Variants in UTP20 observed in about 807,000 individuals in gnomAD.
UTP20 encodes the protein UTP20 small subunit processome component.
Under a neutral mutation model 329.5 loss-of-function variants are expected in UTP20, and 164 were observed. The ratio of observed to expected loss-of-function variants is 0.50; its 90% CI spans 0.44 to 0.57. The LOEUF (loss-of-function observed/expected upper bound fraction) is 0.57, where lower values mean the gene tolerates loss of function less well. Ranked by LOEUF, UTP20 falls within the 20% of genes least tolerant of loss-of-function variation. The pLI, the probability that UTP20 is intolerant of heterozygous loss-of-function variation, is 0.00. For synonymous variants in UTP20, 1,151 were observed against 1,159.3 expected, an observed-to-expected ratio of 0.99 and a Z score of 0.14; for missense variants, 3,055 against 3,284.2, an observed-to-expected ratio of 0.93 and a Z score of 1.71.
intron 25 of UTP20, among the ~76,000 whole-genome samples, chr12:101,325,804 C>T (rs2137264001): frequency 6.6e-6 from 1 of 152,284 alleles, no homozygotes; most frequent in African/African-American, 2.4e-5. Context: ...CATTTATTTC[C>T]AATAACTAAA....
intron 38 of UTP20, among the ~76,000 whole-genome samples, chr12:101,349,981 A>G (rs909600581): frequency 6.6e-6 from 1 of 151,714 alleles, no homozygotes; most frequent in Non-Finnish European, 1.5e-5. Context: ...TCTGCTGTAA[A>G]TCCCATCCAG....
chr12:101,377,695 T>G (rs766017727), intron 56 of UTP20, among the ~76,000 whole-genome samples: 1 of 152,132 alleles, frequency 6.6e-6, no homozygotes, highest in Non-Finnish European at 1.5e-5. Context: ...AGGGGAAGTT[T>G]GGGTCTCAAT....
At chr12:101,368,153 A>G (rs1377195885) in intron 48 of UTP20, among the ~76,000 whole-genome samples, 177 bp downstream of exon 48, 1 of 148,002 alleles carries the variant, frequency 6.8e-6, no homozygotes. Context: ...ACAGAGTCTC[A>G]CTTTGTCACC....
chr12:101,366,917 C>A (rs17031346), intron 47 of UTP20, among the ~76,000 whole-genome samples: 28,955 of 151,874 alleles, frequency 0.19, 3,171 homozygotes, highest in East Asian at 0.37. Context: ...TGATTCTGCT[C>A]TAATATGTAT....
chr12:101,371,602 C>T lies in UTP20; in HGVS notation c.6798+434C>T, dbSNP rs191657202. On this transcript the variant is annotated intron_variant, in intron 51 of 61. Coordinates refer to ENST00000261637, the MANE Select transcript of UTP20 (RefSeq NM_014503.3). The stretch of plus-strand genomic sequence containing the variant: ...CTGGAGTGGTGCAGTGGCGCGATCT[C>T]GGCTCACTGCCACCTCCACCTCCCA... Among the ~76,000 whole-genome samples the T allele has an allele frequency of 2.9e-4, 40 of 136,822 alleles. 2 individuals carry two copies. Among genetic ancestry groups the T allele is most frequent in the Non-Finnish European group, 4.1e-4 (27 of 66,288 alleles). The allele number at this position is 136,822 out of a possible 152,430, so 89.8% of individuals were successfully genotyped here. A position where few individuals can be genotyped will look rare whatever the true frequency, so the allele number is the denominator to read the frequency against.
rs1027913895 is a variant in UTP20, at chr12:101,285,746, C to T, written c.194-3C>T. 2 of 1,612,552 alleles carry T rather than the reference C, an allele frequency of 1.2e-6. No individual in the cohort carries two copies. The highest frequency in any genetic ancestry group is 1.3e-5 in the African/African-American group (1 of 74,768). ...AGAACATATTTTTTTTTCCCCCACT[C>T]AGGAAAATTTTACAAAGAAGTTATT... On this transcript the variant is annotated splice_polypyrimidine_tract_variant and splice_region_variant and intron_variant, in intron 3 of 61. Coordinates refer to ENST00000261637, the MANE Select transcript of UTP20 (RefSeq NM_014503.3).
intron 60 of UTP20, 77 bp from the exon 61 acceptor site, chr12:101,385,506 C>T (rs1390930325): frequency 2.7e-6 from 4 of 1,489,240 alleles, no homozygotes; most frequent in African/African-American, 2.8e-5. Context: ...AAATGTTGTA[C>T]ATATTGTTGA....
chr12:101,351,703 C>G (rs1452914451), intron 38 of UTP20, among the ~76,000 whole-genome samples: 2 of 152,000 alleles, frequency 1.3e-5, no homozygotes, highest in African/African-American at 4.8e-5. Flanking sequence ...CCTCGACCCC[C>G]ACCACCGACA....
intron 21 of UTP20, among the ~76,000 whole-genome samples, chr12:101,314,273 G>A (rs745507908): frequency 5.9e-5 from 9 of 152,206 alleles, no homozygotes; most frequent in African/African-American, 1.4e-4. Flanking sequence ...TAAAGTGACC[G>A]TTGGCTTTGG....
intron 39 of UTP20, 127 bp downstream of exon 39, chr12:101,352,321 C>G: frequency 3.0e-6 from 3 of 1,000,866 alleles, no homozygotes; most frequent in Non-Finnish European, 4.3e-6. Flanking sequence ...TGGGTTGGTT[C>G]CAAGTCTTTG....
intron 35 of UTP20, among the ~76,000 whole-genome samples, 183 bp from the exon 36 acceptor site, chr12:101,344,412 A>G (rs1013020325): frequency 7.9e-5 from 12 of 152,208 alleles, no homozygotes; most frequent in African/African-American, 2.9e-4. Flanking sequence ...AGCCTTTTAC[A>G]GTATTATATT....
intron 12 of UTP20, among the ~76,000 whole-genome samples, chr12:101,296,521 A>G (rs949869629): frequency 1.9e-4 from 29 of 151,620 alleles, no homozygotes; most frequent in African/African-American, 6.5e-4. Context: ...CAGTGAGCCG[A>G]GATCACGCCA....
rs574273250 is a variant in UTP20 at position 101,324,754 on chromosome 12, T to C, written c.3042-2327T>C. 4.1e-4 allele frequency among the ~76,000 whole-genome samples: 62 copies of C among 152,346 alleles called. 1 individual carries two copies. The South Asian group carries it at 0.012, about 31-fold the overall frequency. The stretch of plus-strand genomic sequence containing the variant: ...GTTTTTTCTAGAATCTAGATGAACA[T>C]TTACTTTGATTTTCCCAAAGTAATT... On this transcript the variant is annotated intron_variant, in intron 25 of 61. Transcript: ENST00000261637.
At chr12:101,364,312 C>CT (rs1267798490) in intron 45 of UTP20, among the ~76,000 whole-genome samples, 1 of 152,138 alleles carries the variant, frequency 6.6e-6, no homozygotes, top group African/African-American at 2.4e-5. Context: ...ATTAGAAAGC[C>CT]TTTGGACAAA....
At position 101,366,575 on chromosome 12, in the gene UTP20, C is replaced by T. The variant is rs760983038; in HGVS notation, c.6143C>T (p.Ala2048Val). 6.2e-6 allele frequency: 10 copies of T among 1,613,696 alleles called. No homozygotes were observed. The African/African-American group carries it at 1.1e-4, about 17-fold the overall frequency. The change falls in exon 47 of 62, where the codon GCA (alanine) becomes GTA (valine). Residue 2048 changes from alanine (A) to valine (V), a missense_variant. Physicochemically the swap from Ala to Val is moderately conservative, Grantham distance 64. Transcript: ENST00000261637. ...ATTGACAGAAATCCAGTAGCCCCAGCACCAGATCCACGTCTACCACCCCAG... is the reference window on the plus strand; with the variant it reads ...ATTGACAGAAATCCAGTAGCCCCAGTACCAGATCCACGTCTACCACCCCAG... ...TEKEKNPVAP[A>V]PDPRLPPQSC...
chr12:101,374,467 T>C (rs1484512252), intron 54 of UTP20, among the ~76,000 whole-genome samples: 1 of 152,232 alleles, frequency 6.6e-6, no homozygotes, highest in African/African-American at 2.4e-5. Flanking sequence ...ATAAACAACA[T>C]GTGCCCTGTG....
chr12:101,363,476 T>A, intron 44 of UTP20, 100 bp from the exon 45 acceptor site: 1 of 1,035,718 alleles, frequency 9.7e-7, no homozygotes, highest in Non-Finnish European at 1.3e-6. Context: ...AACTTGCATT[T>A]CTTTGATTTG....
intron 56 of UTP20, 102 bp downstream of exon 56, chr12:101,375,858 A>C: frequency 1.4e-6 from 1 of 712,966 alleles, no homozygotes; most frequent in Non-Finnish European, 2.3e-6. Context: ...GAAAGTATAC[A>C]ATGTCAGGAA....
rs1872541832 is a variant in UTP20 at position 101,302,356 on chromosome 12, A to G, written c.1676-92A>G. ...CATAAATTCACTTTAAGAACTTCCC[A>G]TAAGTAGCAAGTATTCAATAAATAA... On this transcript the variant is annotated intron_variant, in intron 14 of 61. Transcript: ENST00000261637. 4 of 738,218 alleles carry G rather than the reference A, an allele frequency of 5.4e-6. No individual in the cohort carries two copies. In the Admixed American group the frequency reaches 9.6e-5, roughly 18 times the overall value. 45.7% of individuals were successfully genotyped at this position (738,218 alleles called of 1,614,324 possible). A position where few individuals can be genotyped will look rare whatever the true frequency, so the allele number is the denominator to read the frequency against.
Sources: allele counts gnomAD v4.1 joint callset (sites outside exome capture counted in the v4.1 genomes callset), GRCh38; gene constraint gnomAD v4.1.1; transcripts MANE v1.5; gene names NCBI Gene and HGNC (gene_info 2026-07-23, HGNC 2026-07-21).